Variants in SLC15A1 observed in about 807,000 individuals in gnomAD.
The protein encoded by SLC15A1 is solute carrier family 15 member 1.
A neutral mutation model predicts 92.9 loss-of-function variants in SLC15A1; 83 were observed. The ratio of observed to expected loss-of-function variants is 0.89; its 90% CI spans 0.75 to 1.07. The LOEUF (loss-of-function observed/expected upper bound fraction) is 1.07, where lower values mean the gene tolerates loss of function less well. Ranked by LOEUF, SLC15A1 falls within the 50% of genes least tolerant of loss-of-function variation. SLC15A1 has a pLI of 0.00. For synonymous variants in SLC15A1, 322 were observed against 318.2 expected, an observed-to-expected ratio of 1.01 and a Z score of -0.13; for missense variants, 857 against 880.1, an observed-to-expected ratio of 0.97 and a Z score of 0.33.
At chr13:98,735,961 T>A (rs557001979) in intron 1 of SLC15A1, among the ~76,000 whole-genome samples, 2 of 152,176 alleles carry the variant, frequency 1.3e-5, no homozygotes, top group Non-Finnish European at 2.9e-5. Flanking sequence ...AAGCTACCAA[T>A]GACTTTCTTC....
intron 18 of SLC15A1, among the ~76,000 whole-genome samples, chr13:98,701,034 AT>A (rs2088062968): frequency 6.6e-6 from 1 of 152,180 alleles, no homozygotes; most frequent in Non-Finnish European, 1.5e-5. Flanking sequence ...TTCCATATAC[AT>A]TTTAGAAGCA....
chr13:98,728,025 C>G (rs1295198385), intron 1 of SLC15A1, among the ~76,000 whole-genome samples: 1 of 152,208 alleles, frequency 6.6e-6, no homozygotes, highest in Non-Finnish European at 1.5e-5. Context: ...GACACTTGAG[C>G]TTGCATTTCT....
chr13:98,705,994 C>G (rs1254822892), intron 16 of SLC15A1, 140 bp downstream of exon 16: 1 of 825,954 alleles, frequency 1.2e-6, no homozygotes, highest in African/African-American at 1.8e-5. Flanking sequence ...TAGAATATAG[C>G]CAACATGAGA....
chr13:98,704,988 C>T (rs9582257), intron 16 of SLC15A1, among the ~76,000 whole-genome samples: 3,564 of 152,028 alleles, frequency 0.023, 104 homozygotes, highest in African/African-American at 0.076. Flanking sequence ...CTCTTGAGGA[C>T]GGGAGTTTGA....
chr13:98,707,325 A>G (rs553022778), intron 15 of SLC15A1, among the ~76,000 whole-genome samples: 5 of 152,330 alleles, frequency 3.3e-5, no homozygotes, highest in Admixed American at 1.3e-4. Context: ...TTTACAAAGG[A>G]AGGAAATTCT....
At chr13:98,719,011 G>T (rs1013382825) in intron 8 of SLC15A1, among the ~76,000 whole-genome samples, 1 of 152,168 alleles carries the variant, frequency 6.6e-6, no homozygotes, top group Non-Finnish European at 1.5e-5. Context: ...GACCAACTCA[G>T]TTGGTTCCTT....
Position 98,735,201 on chromosome 13 carries a change from C to T in SLC15A1, c.5-8342G>A, listed in dbSNP as rs1167648187. Among the ~76,000 whole-genome samples, 11 of 152,276 alleles carry T rather than the reference C, an allele frequency of 7.2e-5. No individual in the cohort carries two copies. In the East Asian group the frequency reaches 1.7e-3, roughly 24 times the overall value. ...GGTTCAACATATGCAAATCAATAAA[C>T]GTAATCCATCACATAAACAGAACCA... is the stretch of plus-strand genomic sequence containing the variant. On this transcript the variant is annotated intron_variant, in intron 1 of 22. Coordinates refer to ENST00000376503, the MANE Select transcript of SLC15A1 (RefSeq NM_005073.4).
intron 1 of SLC15A1, among the ~76,000 whole-genome samples, chr13:98,730,063 G>C (rs1232413362): frequency 6.6e-6 from 1 of 151,864 alleles, no homozygotes; most frequent in East Asian, 1.9e-4. Context: ...AAATTAGCTG[G>C]GCGTGGTGGT....
At chr13:98,702,618 G>A in intron 17 of SLC15A1, 89 bp from the exon 18 acceptor site, 1 of 1,095,662 alleles carries the variant, frequency 9.1e-7, no homozygotes, top group Non-Finnish European at 1.4e-6. Flanking sequence ...TTGAGAAGGT[G>A]GTATTGACAC....
Position 98,726,373 on chromosome 13 carries a change from A to G in SLC15A1, c.98T>C (p.Met33Thr). Reference protein sequence around the residue: ...EFCERFSYYGMRAILILYFTN... With the variant: ...EFCERFSYYGTRAILILYFTN... ...GAAACGGCCAATACAGTTACCTCGC[A>G]TTCCATAGTAGGAAAATCTTTCGCA... is the stretch of plus-strand genomic sequence containing the variant. The change falls in exon 3 of 23, where the codon ATG becomes ACG. Residue 33 changes from methionine to threonine, a missense_variant. Physicochemically the swap from Met to Thr is moderately conservative, Grantham distance 81. Coordinates refer to ENST00000376503, the MANE Select transcript of SLC15A1 (RefSeq NM_005073.4). The G allele has an allele frequency of 6.2e-7, 1 of 1,614,226 alleles. No individual in the cohort carries two copies. Among genetic ancestry groups the G allele is most frequent in the Non-Finnish European group, 8.5e-7 (1 of 1,180,050 alleles).
At chr13:98,731,246 G>A (rs191577075) in intron 1 of SLC15A1, among the ~76,000 whole-genome samples, 91 of 152,354 alleles carry the variant, frequency 6.0e-4, no homozygotes, top group Middle Eastern at 6.8e-3. Context: ...TCCGTGGTGA[G>A]GCAGCGCACC....
chr13:98,713,907 C>T (rs999904238), intron 9 of SLC15A1, among the ~76,000 whole-genome samples: 7 of 151,770 alleles, frequency 4.6e-5, no homozygotes, highest in Non-Finnish European at 8.8e-5. Context: ...ATTAGCTGGG[C>T]GTGGTAGTGT....
chr13:98,705,631 C>T (rs938714400), intron 16 of SLC15A1, among the ~76,000 whole-genome samples: 31 of 152,174 alleles, frequency 2.0e-4, no homozygotes, highest in Admixed American at 5.2e-4. Context: ...GTGGCTCACA[C>T]CTGTAATCCC....
intron 1 of SLC15A1, among the ~76,000 whole-genome samples, chr13:98,745,715 G>C (rs1449348095): frequency 6.6e-6 from 1 of 152,144 alleles, no homozygotes; most frequent in Non-Finnish European, 1.5e-5. Context: ...CCTTGACTCT[G>C]GGCTCCCAGC....
chr13:98,709,122 C>T (rs1212579779), intron 14 of SLC15A1, among the ~76,000 whole-genome samples: 1 of 152,036 alleles, frequency 6.6e-6, no homozygotes, highest in African/African-American at 2.4e-5. Context: ...TGAGTGCCAC[C>T]ACACCCAGCT....
At chr13:98,690,823 A>G (rs879631251) in intron 18 of SLC15A1, among the ~76,000 whole-genome samples, 1 of 152,054 alleles carries the variant, frequency 6.6e-6, no homozygotes, top group Non-Finnish European at 1.5e-5. Context: ...GGCAACTGTG[A>G]CACAATGGTA....
intron 18 of SLC15A1, 114 bp from the exon 19 acceptor site, chr13:98,688,691 T>C (rs1276153238): frequency 1.4e-6 from 1 of 740,622 alleles, no homozygotes; most frequent in Non-Finnish European, 2.2e-6. Flanking sequence ...GTTTAAGATG[T>C]TTTCAGAATA....
chr13:98,687,587 A>T lies in SLC15A1; in HGVS notation c.1821T>A (p.Tyr607Ter), dbSNP rs1205981870. The part of the protein sequence containing the change: ...VFSVTGLEFS[Y>*]SQAPSNMKSV... ...AATACAACAAACAAGAAACCTGAGA[A>T]TATGAGAATTCCAATCCCGTGACAG... The change falls in exon 21 of 23, where the codon TAT (tyrosine) becomes TAA (stop). Residue 607 changes from tyrosine (Y) to a stop codon, truncating the protein, a stop_gained. Transcript: ENST00000376503. LOFTEE classifies it high-confidence loss of function. The T allele has an allele frequency of 6.2e-7, 1 of 1,613,950 alleles. No homozygotes were observed. The highest frequency in any genetic ancestry group is 1.3e-5 in the African/African-American group (1 of 74,928).
intron 8 of SLC15A1, among the ~76,000 whole-genome samples, chr13:98,717,927 C>T (rs1478568456): frequency 6.6e-6 from 1 of 152,072 alleles, no homozygotes; most frequent in Admixed American, 6.6e-5. Context: ...TCCAAGCATC[C>T]CATGTAGAAA....
Sources: allele counts gnomAD v4.1 joint callset (sites outside exome capture counted in the v4.1 genomes callset), GRCh38; gene constraint gnomAD v4.1.1; transcripts MANE v1.5; gene names NCBI Gene and HGNC (gene_info 2026-07-23, HGNC 2026-07-21).